Variants in RORA observed in about 807,000 individuals in gnomAD.
RORA encodes the protein nuclear receptor ROR-alpha.
RORA carries 7 observed loss-of-function variants against 69.5 expected under a neutral mutation model. That is an observed-to-expected ratio of 0.10 (90% CI 0.06 to 0.19). RORA has a LOEUF of 0.19. RORA is among the 10% of genes least tolerant of loss of function. The pLI, the probability that RORA is intolerant of heterozygous loss-of-function variation, is 1.00. For synonymous variants in RORA, 261 were observed against 240.8 expected, an observed-to-expected ratio of 1.08 and a Z score of -0.78; for missense variants, 457 against 663.0, an observed-to-expected ratio of 0.69 and a Z score of 3.41.
At chr15:61,221,615 A>T (rs1196309052) in intron 1 of RORA, among the ~76,000 whole-genome samples, 1 of 152,088 alleles carries the variant, frequency 6.6e-6, no homozygotes, top group Non-Finnish European at 1.5e-5. Flanking sequence ...ATTTCTTCTT[A>T]CTTCTTTCAC....
At chr15:60,941,464 C>A (rs74017891) in intron 1 of RORA, among the ~76,000 whole-genome samples, 1 of 152,190 alleles carries the variant, frequency 6.6e-6, no homozygotes, top group Non-Finnish European at 1.5e-5. Flanking sequence ...TCTACAGAAC[C>A]GGGTGAAGGG....
rs534026243 is a variant in RORA, at chr15:61,110,977, C to T, written c.166+118076G>A. Among the ~76,000 whole-genome samples the T allele has an allele frequency of 3.0e-4, 46 of 152,152 alleles. 1 individual carries two copies. The highest frequency in any genetic ancestry group is 6.3e-4 in the Non-Finnish European group (43 of 68,038). On this transcript the variant is annotated intron_variant, in intron 1 of 10. Transcript: ENST00000335670. The stretch of plus-strand genomic sequence containing the variant: ...TTGTGTCTTGTTTCCTTCTGTATTC[C>T]TGCTCCACACATAGGAGACTTCCAC...
chr15:61,126,035 G>A (rs541409338), intron 1 of RORA, among the ~76,000 whole-genome samples: 24 of 152,184 alleles, frequency 1.6e-4, no homozygotes, highest in Non-Finnish European at 2.4e-4. Flanking sequence ...TTATAGTTTC[G>A]CAGCTGTGTA....
chr15:60,540,530 A>T (rs191044448), intron 2 of RORA, among the ~76,000 whole-genome samples: 1 of 145,160 alleles, frequency 6.9e-6, no homozygotes, highest in East Asian at 2.0e-4. Context: ...CTTAACAACC[A>T]TTGATTACTA....
chr15:60,734,460 A>G (rs1224449621), intron 1 of RORA, among the ~76,000 whole-genome samples: 1 of 152,232 alleles, frequency 6.6e-6, no homozygotes, highest in Non-Finnish European at 1.5e-5. Flanking sequence ...ATTATTTTAT[A>G]TATCAGTTTT....
rs139142349 is a variant in RORA at position 61,135,894 on chromosome 15, T to C, written c.166+93159A>G. Among the ~76,000 whole-genome samples the C allele has an allele frequency of 1.1e-3, 164 of 152,304 alleles. 1 individual carries two copies. Among genetic ancestry groups the C allele is most frequent in the African/African-American group, 3.8e-3 (160 of 41,572 alleles). On this transcript the variant is annotated intron_variant, in intron 1 of 10. Transcript: ENST00000335670. ...CAACTTGCTGCCACCTTTGAAACAC[T>C]AGTAAAACTAACCCATAGCTGTATA...
chr15:60,711,395 T>A (rs955301712), intron 1 of RORA, among the ~76,000 whole-genome samples: 1 of 152,238 alleles, frequency 6.6e-6, no homozygotes, highest in African/African-American at 2.4e-5. Flanking sequence ...TAAATGAATG[T>A]ATAATGAATA....
rs183008615 is a variant in RORA at position 60,833,238 on chromosome 15, C to T, written c.167-154552G>A. On this transcript the variant is annotated intron_variant, in intron 1 of 10. Coordinates refer to ENST00000335670, the MANE Select transcript of RORA (RefSeq NM_134261.3). ...TTTTTATTTGTATTTTTTATTAAGA[C>T]GGAGTCTCACTCTGCTGCCCAGGCT... is the stretch of plus-strand genomic sequence containing the variant. 1.4e-3 allele frequency among the ~76,000 whole-genome samples: 205 copies of T among 151,558 alleles called. 1 individual carries two copies. The highest frequency in any genetic ancestry group is 5.8e-4 in the East Asian group (3 of 5,146).
At position 60,516,223 on chromosome 15, in the gene RORA, T is replaced by TTATATATATATATTTA. The variant is rs1220587622; in HGVS notation, c.283-1467_283-1466insTAAATATATATATATA. On this transcript the variant is annotated intron_variant, in intron 3 of 10. Coordinates refer to ENST00000335670, the MANE Select transcript of RORA (RefSeq NM_134261.3). ...TATATATATATTTATATATATATAT[T>TTATATATATATATTTA]TATATATATATTTATATATATATAT... Among the ~76,000 whole-genome samples, 109 of 11,816 alleles carry TTATATATATATATTTA rather than the reference T, an allele frequency of 9.2e-3. 2 individuals carry two copies. The highest frequency in any genetic ancestry group is 0.014 in the East Asian group (3 of 216). The allele number at this position is 11,816 out of a possible 152,430, so 7.8% of individuals were successfully genotyped here.
At chr15:60,541,233 G>A (rs893916764) in intron 2 of RORA, among the ~76,000 whole-genome samples, 3 of 152,108 alleles carry the variant, frequency 2.0e-5, no homozygotes, top group African/African-American at 7.2e-5. Context: ...TCCAGGACAT[G>A]GTCATTAACA....
At chr15:61,029,539 G>A (rs1277468071) in intron 1 of RORA, among the ~76,000 whole-genome samples, 1 of 152,172 alleles carries the variant, frequency 6.6e-6, no homozygotes, top group East Asian at 1.9e-4. Flanking sequence ...ACGGGAGGGA[G>A]TTGGAAAGCT....
chr15:61,018,712 C>T (rs1895394554), intron 1 of RORA, among the ~76,000 whole-genome samples: 1 of 152,134 alleles, frequency 6.6e-6, no homozygotes, highest in African/African-American at 2.4e-5. Flanking sequence ...TATGACTATA[C>T]TGACCTCAGA....
intron 1 of RORA, among the ~76,000 whole-genome samples, chr15:60,770,723 A>G (rs1442712456): frequency 6.6e-6 from 1 of 152,132 alleles, no homozygotes; most frequent in African/African-American, 2.4e-5. Context: ...CCTGGGCACA[A>G]GAGATCCTCC....
chr15:60,606,727 G>A (rs1384904087), intron 2 of RORA, among the ~76,000 whole-genome samples: 2 of 152,140 alleles, frequency 1.3e-5, no homozygotes, highest in Non-Finnish European at 2.9e-5. Context: ...TTCCAGTAAG[G>A]CAAGTGGTTA....
intron 3 of RORA, among the ~76,000 whole-genome samples, chr15:60,515,500 T>C (rs1385616993): frequency 6.6e-6 from 1 of 152,150 alleles, no homozygotes; most frequent in African/African-American, 2.4e-5. Context: ...GCTACTGACC[T>C]CAATAACTTT....
chr15:60,970,610 T>G (rs28496165), intron 1 of RORA, among the ~76,000 whole-genome samples: 3,558 of 152,280 alleles, frequency 0.023, 131 homozygotes, highest in African/African-American at 0.08. Context: ...TTGAAACCTG[T>G]TTCACAGCAT....
At chr15:60,870,547 A>C (rs2073544362) in intron 1 of RORA, among the ~76,000 whole-genome samples, 1 of 152,196 alleles carries the variant, frequency 6.6e-6, no homozygotes, top group African/African-American at 2.4e-5. Flanking sequence ...TAGCTAGCAA[A>C]TCTCTGTGGG....
chr15:60,500,907 C>A, intron 9 of RORA, 52 bp downstream of exon 9: 2 of 1,048,886 alleles, frequency 1.9e-6, no homozygotes, highest in South Asian at 1.4e-5. Context: ...TGTAAAAATT[C>A]TTTATCTTAG....
intron 1 of RORA, among the ~76,000 whole-genome samples, chr15:61,006,194 C>T (rs572026711): frequency 4.8e-4 from 73 of 152,036 alleles, no homozygotes; most frequent in African/African-American, 1.7e-3. Context: ...GTCTCAATCT[C>T]TTGACTTCGT....
Sources: gnomAD v4.1 joint callset for allele counts (sites outside exome capture counted in the v4.1 genomes callset) on GRCh38, gnomAD v4.1.1 for gene constraint, MANE v1.5 for transcripts, NCBI Gene and HGNC (gene_info 2026-07-23, HGNC 2026-07-21) for gene names.